THSD4: variants seen among roughly 807,000 people sequenced by gnomAD.
The protein encoded by THSD4 is thrombospondin type-1 domain-containing protein 4.
In THSD4, 69 loss-of-function variants were observed where a neutral mutation model predicts 119.0. That is an observed-to-expected ratio of 0.58 (90% confidence interval 0.48 to 0.71). The LOEUF (loss-of-function observed/expected upper bound fraction) is 0.71. THSD4 is among the 30% of genes least tolerant of loss of function. THSD4 has a pLI of 0.00. For missense variants in THSD4, 1,393 were observed against 1,391.1 expected, an observed-to-expected ratio of 1.00 and a Z score of -0.02; for synonymous variants, 524 against 540.4, an observed-to-expected ratio of 0.97 and a Z score of 0.42.
chr15:71,151,819 AGGAAGTTGTGT>A (rs1410330303), intron 2 of THSD4, among the ~76,000 whole-genome samples: 3 of 152,222 alleles, frequency 2.0e-5, no homozygotes, highest in Non-Finnish European at 4.4e-5. Context: ...AAAAGTCCAA[AGGAAGTTGTGT>A]GTGATGGGAG....
intron 7 of THSD4, among the ~76,000 whole-genome samples, chr15:71,558,822 A>G (rs900465277): frequency 6.6e-6 from 1 of 152,016 alleles, no homozygotes; most frequent in African/African-American, 2.4e-5. Flanking sequence ...CTCTGACCCA[A>G]GCACTATTTA....
chr15:71,735,622 G>GA (rs1567126576), intron 10 of THSD4, among the ~76,000 whole-genome samples: 29 of 146,854 alleles, frequency 2.0e-4, no homozygotes, highest in Admixed American at 4.7e-4. Context: ...CTTGCTCTCT[G>GA]TTTCTCTCTC....
At chr15:71,305,574 T>A (rs1157107309) in intron 6 of THSD4, among the ~76,000 whole-genome samples, 1 of 152,186 alleles carries the variant, frequency 6.6e-6, no homozygotes, top group East Asian at 1.9e-4. Context: ...CCTCTCTGAG[T>A]CCGTTTGCTT....
intron 8 of THSD4, among the ~76,000 whole-genome samples, chr15:71,715,981 G>T (rs767850456): frequency 4.6e-5 from 7 of 152,064 alleles, no homozygotes; most frequent in Non-Finnish European, 8.8e-5. Flanking sequence ...CCACAAACTG[G>T]GTGGATTAAA....
chr15:71,363,874 G>T (rs111962948), intron 6 of THSD4, among the ~76,000 whole-genome samples: 1,541 of 152,292 alleles, frequency 0.01, 10 homozygotes, highest in Middle Eastern at 0.017. Flanking sequence ...AGGCGCAGAC[G>T]TATAAAATGA....
chr15:71,466,120 T>G (rs1039184790), intron 7 of THSD4, among the ~76,000 whole-genome samples: 4 of 151,506 alleles, frequency 2.6e-5, no homozygotes, highest in South Asian at 4.2e-4. Flanking sequence ...GAGGCTGAGG[T>G]GGGTGGATCA....
intron 7 of THSD4, among the ~76,000 whole-genome samples, chr15:71,527,708 C>CTTTTTTTTTTTTTT (rs10635101): frequency 1.3e-5 from 1 of 79,716 alleles, no homozygotes; most frequent in Admixed American, 1.9e-4. Context: ...TGTTTATCCT[C>CTTTTTTTTTTTTTT]TTTTTTTTTT....
At chr15:71,123,115 G>A (rs567176311) in intron 1 of THSD4, among the ~76,000 whole-genome samples, 1 of 152,312 alleles carries the variant, frequency 6.6e-6, no homozygotes, top group East Asian at 1.9e-4. Context: ...GGTACTGTTC[G>A]AGTGGTGACT....
intron 6 of THSD4, among the ~76,000 whole-genome samples, chr15:71,297,312 C>CTTTTT (rs1221284225): frequency 1.1e-4 from 8 of 70,560 alleles, no homozygotes; most frequent in South Asian, 4.4e-4. Flanking sequence ...TTGCTCTCCT[C>CTTTTT]TTCTTTTTTT....
intron 7 of THSD4, among the ~76,000 whole-genome samples, chr15:71,426,027 C>T (rs1460142547): frequency 1.3e-5 from 2 of 152,180 alleles, no homozygotes; most frequent in Non-Finnish European, 2.9e-5. Flanking sequence ...TGAGTGCATG[C>T]TCCCATGGTG....
intron 7 of THSD4, among the ~76,000 whole-genome samples, chr15:71,569,677 T>G (rs570231608): frequency 6.6e-6 from 1 of 152,216 alleles, no homozygotes; most frequent in East Asian, 1.9e-4. Flanking sequence ...AAAGAAACAA[T>G]TGAATGTGTA....
chr15:71,508,018 A>G (rs188784486), intron 7 of THSD4, among the ~76,000 whole-genome samples: 16 of 152,382 alleles, frequency 1.0e-4, no homozygotes, highest in Admixed American at 8.5e-4. Flanking sequence ...TCATTTGAAA[A>G]TAATAGTGAA....
chr15:71,533,957 A>G (rs1284418327), intron 7 of THSD4, among the ~76,000 whole-genome samples: 3 of 152,226 alleles, frequency 2.0e-5, no homozygotes, highest in Non-Finnish European at 4.4e-5. Context: ...TCCCAGACCT[A>G]CTGATTTAAA....
intron 6 of THSD4, among the ~76,000 whole-genome samples, chr15:71,338,004 CTTG>C (rs1292075370): frequency 6.6e-6 from 1 of 152,060 alleles, no homozygotes; most frequent in African/African-American, 2.4e-5. Context: ...TGTAAAATGC[CTTG>C]TTGTACCTAG....
At chr15:71,102,408 T>C (rs534853395) in intron 1 of THSD4, among the ~76,000 whole-genome samples, 4 of 152,310 alleles carry the variant, frequency 2.6e-5, no homozygotes, top group Admixed American at 2.6e-4. Flanking sequence ...AAGGTTCTGC[T>C]GGGTTTCTTT....
chr15:71,341,935 A>G (rs1418905422), intron 6 of THSD4, among the ~76,000 whole-genome samples: 1 of 152,152 alleles, frequency 6.6e-6, no homozygotes, highest in Non-Finnish European at 1.5e-5. Context: ...AAAGTATTCA[A>G]ACAATCCAAT....
chr15:71,510,830 A>G lies in THSD4; in HGVS notation c.1152+99007A>G, dbSNP rs574270269. 1.4e-3 allele frequency among the ~76,000 whole-genome samples: 216 copies of G among 152,186 alleles called. 6 individuals carry two copies. In the South Asian group the frequency reaches 0.043, roughly 30 times the overall value. On this transcript the variant is annotated intron_variant, in intron 7 of 17. Coordinates refer to ENST00000261862, the MANE Select transcript of THSD4 (RefSeq NM_024817.3). ...GTCTCATTATTTACCTCAGATTGCC[A>G]TCAAAGAAGTAGAATCATTCTTTTT...
At chr15:71,717,103 CT>C (rs2052625631) in intron 8 of THSD4, among the ~76,000 whole-genome samples, 1 of 152,184 alleles carries the variant, frequency 6.6e-6, no homozygotes, top group Admixed American at 6.5e-5. Flanking sequence ...TTTCCTCTTC[CT>C]AGTGATGGGT....
intron 7 of THSD4, among the ~76,000 whole-genome samples, chr15:71,551,821 A>G (rs1384251946): frequency 6.6e-6 from 1 of 152,210 alleles, no homozygotes; most frequent in East Asian, 1.9e-4. Flanking sequence ...ACAAAATTCC[A>G]GACTCCCACA....
Sources: allele counts gnomAD v4.1 joint callset (sites outside exome capture counted in the v4.1 genomes callset), GRCh38; gene constraint gnomAD v4.1.1; transcripts MANE v1.5; gene names NCBI Gene and HGNC (gene_info 2026-07-23, HGNC 2026-07-21).